The following TVP23B variants were observed in gnomAD, a reference collection of about 807,000 sequenced individuals.
The protein encoded by TVP23B is Golgi apparatus membrane protein TVP23 homolog B.
TVP23B carries 10 observed loss-of-function variants against 30.6 expected under a neutral mutation model. The observed-to-expected ratio is 0.33, with a 90% CI of 0.20 to 0.55. The LOEUF (loss-of-function observed/expected upper bound fraction) is 0.55, where lower values mean the gene tolerates loss of function less well. Among genes scored for constraint, TVP23B ranks in the 20% least tolerant of loss-of-function variants. The pLI, the probability that TVP23B is intolerant of heterozygous loss-of-function variation, is 0.91. For missense variants in TVP23B, 153 were observed against 243.2 expected, an observed-to-expected ratio of 0.63 and a Z score of 2.47; for synonymous variants, 67 against 83.1, an observed-to-expected ratio of 0.81 and a Z score of 1.06.
chr17:18,795,515 G>A (rs2151848696), intron 3 of TVP23B, among the ~76,000 whole-genome samples: 1 of 152,230 alleles, frequency 6.6e-6, no homozygotes, highest in Non-Finnish European at 1.5e-5. Flanking sequence ...TATCTGGAAT[G>A]CTCTTCTTCC....
At chr17:18,781,989 C>T (rs2035814672) in intron 1 of TVP23B, 1 of 148,278 alleles carries the variant, frequency 6.7e-6, no homozygotes, top group Non-Finnish European at 1.5e-5. Flanking sequence ...GAAGTGGGTT[C>T]TAGGAGATGG....
chr17:18,790,670 T>TAA (rs2151845895), intron 2 of TVP23B, among the ~76,000 whole-genome samples: 1 of 152,296 alleles, frequency 6.6e-6, no homozygotes, highest in Admixed American at 6.5e-5. Flanking sequence ...AATGAGGTGT[T>TAA]AAAGTCATCT....
At chr17:18,785,589 C>T (rs1171578758) in intron 1 of TVP23B, among the ~76,000 whole-genome samples, 8 of 152,026 alleles carry the variant, frequency 5.3e-5, no homozygotes, top group Non-Finnish European at 1.0e-4. Context: ...GAAAAGAAGG[C>T]CAGCCTGGGC....
chr17:18,791,008 T>A lies in TVP23B; in HGVS notation c.208T>A (p.Leu70Met). The A allele has an allele frequency of 6.2e-7, 1 of 1,606,106 alleles. No homozygotes were observed. The highest frequency in any genetic ancestry group is 8.5e-7 in the Non-Finnish European group (1 of 1,177,928). Residue 70 changes from leucine (L) to methionine (M), a missense_variant, in exon 3 of 7, where the codon TTG becomes ATG. Coordinates refer to ENST00000307767, the MANE Select transcript of TVP23B (RefSeq NM_016078.6). ...SFITCMVTII[L>M]LLSCDFWAVK... The stretch of plus-strand genomic sequence containing the variant: ...TATTACCTGTATGGTGACAATTATC[T>A]TGTTGTTGTCGTGTGACTTTTGGGC...
At chr17:18,803,975 G>A (rs1438651992) in intron 5 of TVP23B, among the ~76,000 whole-genome samples, 163 bp from the exon 6 acceptor site, 2 of 151,378 alleles carry the variant, frequency 1.3e-5, no homozygotes, top group African/African-American at 4.9e-5. Flanking sequence ...AGATGGGTCT[G>A]TTCTGGCAAC....
At chr17:18,801,035 A>G (rs1033125921) in intron 5 of TVP23B, among the ~76,000 whole-genome samples, 9 of 152,258 alleles carry the variant, frequency 5.9e-5, no homozygotes, top group Admixed American at 5.9e-4. Flanking sequence ...TAAAAAATAC[A>G]ACAGGGGATG....
chr17:18,801,944 C>T (rs147890888), intron 5 of TVP23B, among the ~76,000 whole-genome samples: 373 of 151,462 alleles, frequency 2.5e-3, no homozygotes, highest in African/African-American at 7.8e-3. Context: ...GTTAAGACCT[C>T]GGCATGGTGG....
In TVP23B at chr17:18,791,002, A is replaced by G. The variant is rs764704426; in HGVS notation, c.202A>G (p.Ile68Val). 6 of 1,609,890 alleles carry G rather than the reference A, an allele frequency of 3.7e-6. No homozygotes were observed. The highest frequency in any genetic ancestry group is 4.2e-6 in the Non-Finnish European group (5 of 1,178,892). ...CAGCTTTATTACCTGTATGGTGACA[A>G]TTATCTTGTTGTTGTCGTGTGACTT... ...SSSFITCMVT[I>V]ILLLSCDFWA... is the part of the protein sequence containing the mutation. The change falls in exon 3 of 7, where the codon ATT (isoleucine) becomes GTT (valine). Residue 68 changes from isoleucine to valine, a missense_variant. Physicochemically the swap from Ile to Val is conservative, Grantham distance 29. Around this residue, in one of 3 missense-constraint regions of TVP23B, gnomAD observed 53 missense variants for 128.0 expected, o/e 0.41. Transcript: ENST00000307767.
At chr17:18,783,342 G>A (rs2035839900) in intron 1 of TVP23B, among the ~76,000 whole-genome samples, 1 of 152,096 alleles carries the variant, frequency 6.6e-6, no homozygotes, top group South Asian at 2.1e-4. Context: ...CTGACCTCAG[G>A]TGATCCACCC....
intron 5 of TVP23B, among the ~76,000 whole-genome samples, chr17:18,801,936 T>TAA (rs1305111245): frequency 6.6e-6 from 1 of 152,164 alleles, no homozygotes; most frequent in African/African-American, 2.4e-5. Context: ...ATAAATGGGT[T>TAA]AAGACCTCGG....
Position 18,790,991 on chromosome 17 carries a change from G to A in TVP23B, c.191G>A (p.Cys64Tyr). 6.2e-7 allele frequency: 1 copy of A among 1,611,610 alleles called. No homozygotes were observed. The highest frequency in any genetic ancestry group is 8.5e-7 in the Non-Finnish European group (1 of 1,179,330). The change falls in exon 3 of 7, where the codon TGT (cysteine) becomes TAT (tyrosine). Residue 64 changes from cysteine to tyrosine, a missense_variant. Cys to Tyr is a radical substitution (Grantham distance 194). Transcript: ENST00000307767. Reference sequence around the variant, plus strand: ...TTGCTCAGCAGCAGCTTTATTACCTGTATGGTGACAATTATCTTGTTGTTG... The same window carrying A: ...TTGCTCAGCAGCAGCTTTATTACCTATATGGTGACAATTATCTTGTTGTTG... ...CGLLSSSFIT[C>Y]MVTIILLLSC...
At chr17:18,795,694 A>T (rs2036066318) in intron 3 of TVP23B, 1 of 152,232 alleles carries the variant, frequency 6.6e-6, no homozygotes, top group Admixed American at 6.5e-5. Context: ...TGATTGAGTT[A>T]TATGTGTAGT....
Position 18,797,576 on chromosome 17 carries a change from C to G in TVP23B, c.241-3C>G. On this transcript the variant is annotated splice_region_variant and splice_polypyrimidine_tract_variant and intron_variant, in intron 3 of 6. Coordinates refer to ENST00000307767, the MANE Select transcript of TVP23B (RefSeq NM_016078.6). ...TGTGCCTGTTTATATTAATCTTCACCAGAATGTCACAGGTAGACTAATGGT... is the reference window on the plus strand; with the variant it reads ...TGTGCCTGTTTATATTAATCTTCACGAGAATGTCACAGGTAGACTAATGGT... 1 of 1,612,092 alleles carries G rather than the reference C, an allele frequency of 6.2e-7. No homozygotes were observed. The highest frequency in any genetic ancestry group is 8.5e-7 in the Non-Finnish European group (1 of 1,179,256).
intron 3 of TVP23B, 150 bp downstream of exon 3, chr17:18,791,190 T>A: frequency 2.8e-6 from 1 of 350,924 alleles, no homozygotes. Flanking sequence ...GCATGTAGTT[T>A]TTTTTTTTTT....
chr17:18,783,034 C>T (rs9807082), intron 1 of TVP23B, among the ~76,000 whole-genome samples: 56,661 of 131,728 alleles, frequency 0.43, 12,772 homozygotes, highest in Non-Finnish European at 0.48. Context: ...GCGCCCAGGC[C>T]GGATGAGGCT....
chr17:18,792,450 G>T (rs370688127), intron 3 of TVP23B, among the ~76,000 whole-genome samples: 1 of 152,302 alleles, frequency 6.6e-6, no homozygotes, highest in Admixed American at 6.5e-5. Flanking sequence ...AGGTTTTTCT[G>T]TTGTCCAGTC....
At chr17:18,783,620 A>G (rs183245745) in intron 1 of TVP23B, among the ~76,000 whole-genome samples, 2 of 152,264 alleles carry the variant, frequency 1.3e-5, no homozygotes, top group Admixed American at 1.3e-4. Flanking sequence ...CAATTTTCAC[A>G]CTAGCTGCCT....
chr17:18,781,339 G>A (rs768694645), intron 1 of TVP23B, 34 bp downstream of exon 1: 6 of 1,568,570 alleles, frequency 3.8e-6, no homozygotes, highest in Non-Finnish European at 5.2e-6. Context: ...GAGGGTGGCG[G>A]CTCCTGGGAC....
At chr17:18,797,193 A>G (rs2036089451) in intron 3 of TVP23B, 2 of 232,128 alleles carry the variant, frequency 8.6e-6, no homozygotes, top group Non-Finnish European at 1.7e-5. Context: ...GCCAGTGTCT[A>G]TAATCATTTT....
Sources: allele counts gnomAD v4.1 joint callset (sites outside exome capture counted in the v4.1 genomes callset), GRCh38; gene constraint gnomAD v4.1.1; regional missense constraint gnomAD v4.1.1; transcripts MANE v1.5; gene names NCBI Gene and HGNC (gene_info 2026-07-23, HGNC 2026-07-21).